DMAP1: variants seen among roughly 807,000 people sequenced by gnomAD.
The protein encoded by DMAP1 is DNA methyltransferase 1 associated protein 1.
A neutral mutation model predicts 52.7 loss-of-function variants in DMAP1; 26 were observed. The observed-to-expected ratio is 0.49, with a 90% CI of 0.36 to 0.68. DMAP1 has a LOEUF of 0.68. DMAP1 is among the 30% of genes least tolerant of loss of function. The pLI is 0.00. For missense variants in DMAP1, 439 were observed against 625.2 expected (o/e 0.70, Z 3.18); for synonymous variants, 231 against 246.0 (o/e 0.94, Z 0.57).
chr1:44,214,305 G>C lies in DMAP1; in HGVS notation c.106-45G>C, dbSNP rs979900052. ...TTGAGCTGGACTAAAGAATTTTCAG[G>C]AAAGGGTCTAGGTTGTGGTTCCTTT... On this transcript the variant is annotated intron_variant, in intron 1 of 9. Transcript: ENST00000372289. 15 of 1,580,582 alleles carry C rather than the reference G, an allele frequency of 9.5e-6. No homozygotes were observed. The Admixed American group carries it at 1.2e-4, about 12-fold the overall frequency.
Position 44,213,564 on chromosome 1 carries a change from C to T in DMAP1, c.-190C>T. On this transcript the variant is annotated 5_prime_UTR_variant, in exon 1 of 10. Coordinates refer to ENST00000372289, the MANE Select transcript of DMAP1 (RefSeq NM_019100.5). The surrounding 1 kb of genome is among the most constrained non-coding windows in gnomAD (Gnocchi z 4.5). Reference sequence around the variant, plus strand: ...CGAGGGCCCAGGTGGCTGAAGGGGCCGTTAGGAACATCCAAGCGGTGGGGC... The same window carrying T: ...CGAGGGCCCAGGTGGCTGAAGGGGCTGTTAGGAACATCCAAGCGGTGGGGC... The T allele has an allele frequency of 1.9e-6, 1 of 534,912 alleles. No homozygotes were observed. Among genetic ancestry groups the T allele is most frequent in the Admixed American group, 3.4e-5 (1 of 29,034 alleles). 33.1% of individuals were successfully genotyped at this position (534,912 alleles called of 1,614,324 possible). A position where few individuals can be genotyped will look rare whatever the true frequency, so the allele number is the denominator to read the frequency against.
Position 44,219,745 on chromosome 1 carries a change from TC to T in DMAP1, c.979-57del. On this transcript the variant is annotated intron_variant, in intron 7 of 9. Transcript: ENST00000372289. ...CCACCATCTTTCCCTCTGCCTTTTGTCCCCTTCATCCTAAGCCTCTTGTGGC... is the reference window on the plus strand; with the variant it reads ...CCACCATCTTTCCCTCTGCCTTTTGTCCCTTCATCCTAAGCCTCTTGTGGC... 2.5e-6 allele frequency: 4 copies of T among 1,588,622 alleles called. No individual in the cohort carries two copies. In the South Asian group the frequency reaches 4.5e-5, roughly 18 times the overall value.
At chr1:44,217,930 T>C (rs777703128) in intron 3 of DMAP1, 2 of 339,632 alleles carry the variant, frequency 5.9e-6, no homozygotes, top group Non-Finnish European at 1.2e-5. Context: ...TCAGATGAGT[T>C]GTATGGACTA....
In DMAP1 at chr1:44,218,128, T is replaced by G. The variant is rs1643831257; in HGVS notation, c.394-183T>G. 5 of 759,742 alleles carry G rather than the reference T, an allele frequency of 6.6e-6. No homozygotes were observed. In the East Asian group the frequency reaches 1.3e-4, roughly 20 times the overall value. 47.1% of individuals were successfully genotyped at this position (759,742 alleles called of 1,614,324 possible). A position where few individuals can be genotyped will look rare whatever the true frequency, so the allele number is the denominator to read the frequency against. ...ATCCTGGAATAAATCAGAGGCAGGC[T>G]ACAGTCCCAAACCCTGCTAGGACCT... On this transcript the variant is annotated intron_variant, in intron 3 of 9. Coordinates refer to ENST00000372289, the MANE Select transcript of DMAP1 (RefSeq NM_019100.5). This position sits in a 1 kb window ranked among gnomAD's most constrained non-coding sequence, Gnocchi z 5.6.
In DMAP1 at chr1:44,214,376, A is replaced by C; in HGVS notation, c.132A>C (p.Thr44=). The change falls in exon 2 of 10, where the codon ACA becomes ACC. Residue 44 remains threonine (T), a synonymous_variant. Transcript: ENST00000372289. ...AAAAATCCAAGAAGTCCTCTGAGAC[A>C]CTGACTTTCAAGAGGCCCGAGGGCA... is the stretch of plus-strand genomic sequence containing the variant. ...DKKKSKKSSE[T]LTFKRPEGMH... is the part of the protein sequence containing the mutation. 1 of 1,614,104 alleles carries C rather than the reference A, an allele frequency of 6.2e-7. No individual in the cohort carries two copies. The highest frequency in any genetic ancestry group is 1.1e-5 in the South Asian group (1 of 91,080).
intron 3 of DMAP1, 171 bp downstream of exon 3, chr1:44,215,069 T>A: frequency 1.3e-6 from 1 of 774,878 alleles, no homozygotes; most frequent in East Asian, 2.7e-5. Flanking sequence ...GTGGGTCTTT[T>A]CTGCCCAAGG....
intron 6 of DMAP1, 62 bp from the exon 7 acceptor site, chr1:44,219,344 T>C (rs1643863205): frequency 1.3e-6 from 2 of 1,549,404 alleles, no homozygotes; most frequent in Non-Finnish European, 1.7e-6. Flanking sequence ...GATGGGGTGC[T>C]AGGACTAACC....
At chr1:44,220,428 G>A (rs755964449) in intron 9 of DMAP1, 119 bp downstream of exon 9, 114 of 1,563,440 alleles carry the variant, frequency 7.3e-5, no homozygotes, top group Non-Finnish European at 7.3e-5. Flanking sequence ...ACTTCTGTGC[G>A]AGTCTGAGAC....
Position 44,220,241 on chromosome 1 carries a change from C to T in DMAP1, c.1276C>T (p.Pro426Ser), listed in dbSNP as rs200328989. ...CTCTGCTGAGCCGGCAGTGACTGAACCCGGACTTGGTCCTGACCCCAAGGA... is the reference window on the plus strand; with the variant it reads ...CTCTGCTGAGCCGGCAGTGACTGAATCCGGACTTGGTCCTGACCCCAAGGA... ...PASAEPAVTE[P>S]GLGPDPKDTI... The change falls in exon 9 of 10, where the codon CCC becomes TCC. Residue 426 changes from proline (P) to serine (S), a missense_variant. Pro to Ser is a moderately conservative substitution (Grantham distance 74, BLOSUM62 -1). This residue lies in a region of DMAP1 where 179 missense variants were observed against 285.9 expected (regional missense o/e 0.63). Transcript: ENST00000372289. 8.7e-5 allele frequency: 138 copies of T among 1,583,144 alleles called. No homozygotes were observed. The East Asian group carries it at 3.0e-3, about 34-fold the overall frequency.
rs1372105179 is a variant in DMAP1, at chr1:44,214,446, G to A, written c.197+5G>A. The A allele has an allele frequency of 6.2e-7, 1 of 1,614,018 alleles. No homozygotes were observed. Among genetic ancestry groups the A allele is most frequent in the Non-Finnish European group, 8.5e-7 (1 of 1,180,014 alleles). On this transcript the variant is annotated splice_donor_5th_base_variant and intron_variant, in intron 2 of 9. Transcript: ENST00000372289. ...CTTGCTCTACTCTGACAAGAAGCAA[G>A]TATTGGAGTCCCAAGTCCCCCAGGT... is the stretch of plus-strand genomic sequence containing the variant.
At position 44,220,005 on chromosome 1, in the gene DMAP1, G is replaced by A. The variant is rs147610607; in HGVS notation, c.1052-12G>A. The stretch of plus-strand genomic sequence containing the variant: ...CTGGGCTCTGCCCGTGCTGCCTGCC[G>A]CCTGCCTGCAGAGCTGAGCCCGACA... On this transcript the variant is annotated splice_polypyrimidine_tract_variant and intron_variant, in intron 8 of 9. Coordinates refer to ENST00000372289, the MANE Select transcript of DMAP1 (RefSeq NM_019100.5). 4.4e-3 allele frequency: 7,096 copies of A among 1,597,332 alleles called. 325 individuals carry two copies. In the Admixed American group the frequency reaches 0.095, roughly 21 times the overall value.
At chr1:44,214,967 C>G in intron 3 of DMAP1, 69 bp downstream of exon 3, 1 of 1,582,890 alleles carries the variant, frequency 6.3e-7, no homozygotes. Context: ...GCGAGCTCTC[C>G]AGTCTCCTAG....
intron 3 of DMAP1, 57 bp downstream of exon 3, chr1:44,214,955 G>A (rs1643757545): frequency 6.2e-7 from 1 of 1,601,224 alleles, no homozygotes; most frequent in Admixed American, 1.7e-5. Context: ...TGAGCCATTT[G>A]TGCGAGCTCT....
intron 3 of DMAP1, chr1:44,217,110 G>A (rs994426218): frequency 1.3e-5 from 2 of 152,130 alleles, no homozygotes; most frequent in African/African-American, 2.4e-5. Flanking sequence ...AAATTATAAA[G>A]ACAAAATACA....
rs1643843236 is a variant in DMAP1, at chr1:44,218,660, C to A, written c.625C>A (p.Pro209Thr). ...TAAGCTTGCCAACGTGCGGGCTGTGCCAGGCACAGACCTTAAGATACCAGT... is the reference window on the plus strand; with the variant it reads ...TAAGCTTGCCAACGTGCGGGCTGTGACAGGCACAGACCTTAAGATACCAGT... ...CAKLANVRAV[P>T]GTDLKIPVFD... The change falls in exon 5 of 10, where the codon CCA becomes ACA. Residue 209 changes from proline (P) to threonine (T), a missense_variant. By Grantham distance (38) the Pro-to-Thr change is conservative. Coordinates refer to ENST00000372289, the MANE Select transcript of DMAP1 (RefSeq NM_019100.5). The surrounding 1 kb of genome is among the most constrained non-coding windows in gnomAD (Gnocchi z 5.6). 1.9e-6 allele frequency: 3 copies of A among 1,613,982 alleles called. No individual in the cohort carries two copies. The highest frequency in any genetic ancestry group is 1.3e-5 in the African/African-American group (1 of 75,012).
intron 8 of DMAP1, 52 bp downstream of exon 8, chr1:44,219,930 A>G: frequency 1.2e-6 from 2 of 1,613,256 alleles, no homozygotes; most frequent in Non-Finnish European, 1.7e-6. Flanking sequence ...GGCTGTGGAT[A>G]TAGGTTGGGC....
chr1:44,214,421 C>G lies in DMAP1; in HGVS notation c.177C>G (p.Ala59=), dbSNP rs1220729222. 6.2e-7 allele frequency: 1 copy of G among 1,614,132 alleles called. No homozygotes were observed. The highest frequency in any genetic ancestry group is 1.7e-5 in the Admixed American group (1 of 60,034). ...RPEGMHREVY[A]LLYSDKKDAP... ...AGGGCATGCACCGGGAAGTCTATGC[C>G]TTGCTCTACTCTGACAAGAAGCAAG... Residue 59 remains alanine (A), a synonymous_variant, in exon 2 of 10, where the codon GCC becomes GCG. Transcript: ENST00000372289.
chr1:44,214,280 T>C (rs1276552739), intron 1 of DMAP1, 70 bp from the exon 2 acceptor site: 2 of 1,431,774 alleles, frequency 1.4e-6, no homozygotes, highest in Non-Finnish European at 2.0e-6. Flanking sequence ...TGTTCAGGGA[T>C]TGAGCTGGAC....
intron 3 of DMAP1, chr1:44,215,550 A>T (rs913838436): frequency 9.0e-6 from 3 of 332,454 alleles, no homozygotes; most frequent in East Asian, 7.7e-5. Context: ...GAGTCTTTCA[A>T]ATAAGAGCCG....
Sources: allele counts gnomAD v4.1 joint callset, GRCh38; gene constraint gnomAD v4.1.1; regional missense constraint gnomAD v4.1.1; non-coding constraint Gnocchi (gnomAD v3.1); transcripts MANE v1.5; gene names NCBI Gene and HGNC (gene_info 2026-07-23, HGNC 2026-07-21).